CTBP2: variants seen among roughly 807,000 people sequenced by gnomAD.
The protein encoded by CTBP2 is C-terminal binding protein 2.
A neutral mutation model predicts 80.3 loss-of-function variants in CTBP2; 30 were observed. The observed-to-expected ratio is 0.37, with a 90% confidence interval of 0.28 to 0.51. The LOEUF (loss-of-function observed/expected upper bound fraction) is 0.51, where lower values mean the gene tolerates loss of function less well. CTBP2 is among the 20% of genes least tolerant of loss of function. The pLI, the probability that CTBP2 is intolerant of heterozygous loss-of-function variation, is 0.93. For synonymous variants in CTBP2, 594 were observed against 587.4 expected, an observed-to-expected ratio of 1.01 and a Z score of -0.16; for missense variants, 1,212 against 1,375.3, an observed-to-expected ratio of 0.88 and a Z score of 1.88.
intron 1 of CTBP2, chr10:125,160,093 G>C (rs1861683957): frequency 6.7e-6 from 1 of 150,154 alleles, no homozygotes; most frequent in African/African-American, 2.4e-5. Flanking sequence ...GGCGGGCGGG[G>C]ACCCCCGAGC....
chr10:125,058,486 T>G (rs1258007896), intron 2 of CTBP2, among the ~76,000 whole-genome samples: 1 of 152,052 alleles, frequency 6.6e-6, no homozygotes, highest in Non-Finnish European at 1.5e-5. Flanking sequence ...TCGCAACTAT[T>G]CCCCTGTTGA....
rs751113104 is a variant in CTBP2, at chr10:125,003,506, A to G, written c.1679-14T>C. On this transcript the variant is annotated splice_polypyrimidine_tract_variant and intron_variant, in intron 1 of 8. Coordinates refer to ENST00000309035, the MANE Select transcript of CTBP2 (RefSeq NM_022802.3). ...GGGGGCGGATACCTGCCAGGAGGGA[A>G]GGGGTGAGCACAGTGGGTGGGTGGC... 2 of 1,539,462 alleles carry G rather than the reference A, an allele frequency of 1.3e-6. No individual in the cohort carries two copies. The highest frequency in any genetic ancestry group is 4.4e-5 in the Admixed American group (2 of 45,682).
chr10:125,084,462 G>T (rs1258078881), intron 2 of CTBP2, among the ~76,000 whole-genome samples: 1 of 152,188 alleles, frequency 6.6e-6, no homozygotes, highest in Non-Finnish European at 1.5e-5. Context: ...GGAGGGGCTG[G>T]CCTCTAGGTG....
intron 2 of CTBP2, among the ~76,000 whole-genome samples, chr10:125,074,554 G>A (rs540495583): frequency 3.9e-5 from 6 of 152,196 alleles, no homozygotes; most frequent in South Asian, 2.1e-4. Flanking sequence ...GGGTTTCACC[G>A]TGGCTGGTCT....
intron 1 of CTBP2, among the ~76,000 whole-genome samples, chr10:125,015,379 A>G (rs1307569904): frequency 1.3e-5 from 2 of 152,248 alleles, no homozygotes; most frequent in African/African-American, 2.4e-5. Flanking sequence ...TTTCATATCA[A>G]TGCAAAAAAT....
rs1957528902 is a variant in CTBP2 at position 125,026,207 on chromosome 10, G to T, written c.1553C>A (p.Pro518His). 1.2e-6 allele frequency: 2 copies of T among 1,613,498 alleles called. No individual in the cohort carries two copies. The highest frequency in any genetic ancestry group is 2.2e-5 in the East Asian group (1 of 44,872). The change falls in exon 1 of 9, where the codon CCC becomes CAC. Residue 518 changes from proline to histidine, a missense_variant. Transcript: ENST00000309035. ...CGGCGGCAGGGTGGATGGCCCCAGG[G>T]GTGCACCTGGCTTCCGCAAGACCTG...
At chr10:125,023,802 C>T (rs983110030) in intron 1 of CTBP2, among the ~76,000 whole-genome samples, 2 of 152,118 alleles carry the variant, frequency 1.3e-5, no homozygotes, top group Non-Finnish European at 2.9e-5. Flanking sequence ...GCCAAAGCAT[C>T]CGAAAATAAA....
chr10:125,152,531 C>T (rs1319462502), intron 1 of CTBP2, among the ~76,000 whole-genome samples: 3 of 152,216 alleles, frequency 2.0e-5, no homozygotes, highest in South Asian at 4.1e-4. Flanking sequence ...AATATTTCTT[C>T]CTGGCATAAA....
At chr10:125,018,818 G>A (rs941670950) in intron 1 of CTBP2, among the ~76,000 whole-genome samples, 2 of 152,188 alleles carry the variant, frequency 1.3e-5, no homozygotes, top group African/African-American at 2.4e-5. Context: ...CAACTGCATT[G>A]GGGGACCAGG....
intron 1 of CTBP2, among the ~76,000 whole-genome samples, chr10:125,130,877 A>C (rs985241233): frequency 6.6e-6 from 1 of 152,206 alleles, no homozygotes; most frequent in African/African-American, 2.4e-5. Context: ...TGCCACCCAG[A>C]GAGGGCAAAG....
intron 2 of CTBP2, among the ~76,000 whole-genome samples, chr10:125,086,597 C>T (rs1053910481): frequency 1.1e-4 from 14 of 125,544 alleles, no homozygotes; most frequent in East Asian, 4.7e-4. Context: ...CCTGGGCAAT[C>T]GAGCAAAATT....
At chr10:125,076,339 C>A (rs981935736) in intron 2 of CTBP2, among the ~76,000 whole-genome samples, 8 of 152,206 alleles carry the variant, frequency 5.3e-5, no homozygotes, top group Non-Finnish European at 1.0e-4. Context: ...CCCAGCTCAA[C>A]CACTTTGGGA....
Position 125,066,634 on chromosome 10 carries a change from C to A in CTBP2, c.-101-27479G>T, listed in dbSNP as rs12261950. Among the ~76,000 whole-genome samples the A allele has an allele frequency of 0.096, 14,539 of 152,158 alleles. 769 individuals are homozygous for A. Among genetic ancestry groups the A allele is most frequent in the South Asian group, 0.13 (613 of 4,816 alleles). On this transcript the variant is annotated intron_variant, in intron 2 of 10. Coordinates refer to the CTBP2 transcript ENST00000337195. This position sits in a 1 kb window ranked among gnomAD's most constrained non-coding sequence, Gnocchi z 4.1. ...GAGGAGGGTGACACCTGCACAGAAG[C>A]CAGGGAGCACAGTGCACCAACCTTC...
At chr10:125,120,804 T>TACA (rs1475421151) in intron 1 of CTBP2, among the ~76,000 whole-genome samples, 3 of 152,204 alleles carry the variant, frequency 2.0e-5, no homozygotes, top group Non-Finnish European at 4.4e-5. Flanking sequence ...CAGCCTCCTG[T>TACA]ACAGGCACGG....
chr10:125,046,537 CAAAAA>C (rs57913854), intron 2 of CTBP2, among the ~76,000 whole-genome samples: 3 of 114,766 alleles, frequency 2.6e-5, no homozygotes, highest in Non-Finnish European at 3.5e-5. Context: ...GACTCTATCT[CAAAAA>C]AAAAAAAAAA....
intron 2 of CTBP2, among the ~76,000 whole-genome samples, chr10:125,043,135 G>A (rs187891771): frequency 6.6e-6 from 1 of 152,310 alleles, no homozygotes. Flanking sequence ...GTTCCGTGGA[G>A]GTATCACAGA....
At chr10:125,121,867 A>G (rs746295183) in intron 1 of CTBP2, among the ~76,000 whole-genome samples, 5 of 152,210 alleles carry the variant, frequency 3.3e-5, no homozygotes, top group African/African-American at 7.2e-5. Context: ...GCCCCTTCAC[A>G]TTCAGCCAAA....
intron 2 of CTBP2, among the ~76,000 whole-genome samples, chr10:125,049,925 G>A (rs149319256): frequency 7.9e-5 from 12 of 152,250 alleles, no homozygotes; most frequent in African/African-American, 2.6e-4. Flanking sequence ...TGTAGCCACC[G>A]CCCCAGTGCA....
At chr10:124,991,092 CG>C (rs1952547627) in intron 8 of CTBP2, among the ~76,000 whole-genome samples, 1 of 152,218 alleles carries the variant, frequency 6.6e-6, no homozygotes. Flanking sequence ...CGCCCAGGCT[CG>C]GGCTGGTTTT....
Sources: gnomAD v4.1 joint callset for allele counts (sites outside exome capture counted in the v4.1 genomes callset) on GRCh38, gnomAD v4.1.1 for gene constraint, Gnocchi (gnomAD v3.1) non-coding constraint, MANE v1.5 for transcripts, NCBI Gene and HGNC (gene_info 2026-07-23, HGNC 2026-07-21) for gene names.